The following TLE2 variants were observed in gnomAD, a reference collection of about 807,000 sequenced individuals.
The protein encoded by TLE2 is TLE family member 2, transcriptional corepressor.
A neutral mutation model predicts 97.2 loss-of-function variants in TLE2; 74 were observed. That is an observed-to-expected ratio of 0.76 (90% confidence interval 0.63 to 0.92). The LOEUF (loss-of-function observed/expected upper bound fraction) is 0.92. TLE2 is among the 40% of genes least tolerant of loss of function. The pLI is 0.00. For missense variants in TLE2, 1,038 were observed against 1,008.7 expected, an observed-to-expected ratio of 1.03 and a Z score of -0.39; for synonymous variants, 499 against 432.1, an observed-to-expected ratio of 1.15 and a Z score of -1.92.
chr19:3,033,831 C>G (rs2090043775), upstream of TLE2, among the ~76,000 whole-genome samples: 1 of 152,008 alleles, frequency 6.6e-6, no homozygotes, highest in South Asian at 2.1e-4. Context: ...ATAGCGAGAC[C>G]CAACCCCCAC....
chr19:3,006,186 T>A, intron 15 of TLE2: 1 of 952,910 alleles, frequency 1.0e-6, no homozygotes, highest in Non-Finnish European at 1.7e-6. Flanking sequence ...CCACCCATGG[T>A]TGGCCTGCAA....
intron 19 of TLE2, among the ~76,000 whole-genome samples, chr19:2,998,173 A>C: frequency 6.7e-6 from 1 of 149,358 alleles, no homozygotes; most frequent in Admixed American, 6.7e-5. Flanking sequence ...CGGGTTCAAG[A>C]CACTCTCCTG....
rs11150 is a variant in TLE2, at chr19:2,997,899, G to T, written c.2181C>A (p.Ile727=). The change falls in exon 20 of 20, where the codon ATC becomes ATA. Residue 727 remains isoleucine (I), a synonymous_variant. Transcript: ENST00000262953. ...SCDISRNNKY[I]VTGSGDKKAT... is the part of the protein sequence containing the mutation. The stretch of plus-strand genomic sequence containing the variant: ...CCTTCTTGTCCCCCGAGCCTGTCAC[G>T]ATGTATTTGTTATTTCTGGAGATGT... The T allele has an allele frequency of 1.1e-5, 17 of 1,612,358 alleles. No homozygotes were observed. Among genetic ancestry groups the T allele is most frequent in the Non-Finnish European group, 1.4e-5 (17 of 1,179,372 alleles).
At position 3,019,637 on chromosome 19, in the gene TLE2, G is replaced by T; in HGVS notation, c.369+62C>A. 1 of 1,571,268 alleles carries T rather than the reference G, an allele frequency of 6.4e-7. No individual in the cohort carries two copies. On this transcript the variant is annotated intron_variant, in intron 6 of 19. Transcript: ENST00000262953. This position sits in a 1 kb window ranked among gnomAD's most constrained non-coding sequence, Gnocchi z 5.1. ...ACCCCAGCTTTAACACCTCCTGGGT[G>T]GGTGCCAGGGACCTGGGAGTGGGCG... is the stretch of plus-strand genomic sequence containing the variant.
chr19:3,019,577 G>T lies in TLE2; in HGVS notation c.370-114C>A, dbSNP rs2089795723. ...CCTAAGCACAGCATGTGCCCCTGGG[G>T]TTCCCAGGACCACTGGAGCCAAGGC... On this transcript the variant is annotated intron_variant, in intron 6 of 19. Coordinates refer to ENST00000262953, the MANE Select transcript of TLE2 (RefSeq NM_003260.5). This position sits in a 1 kb window ranked among gnomAD's most constrained non-coding sequence, Gnocchi z 5.1. 2.0e-6 allele frequency: 3 copies of T among 1,504,508 alleles called. No individual in the cohort carries two copies. 93.2% of individuals were successfully genotyped at this position (1,504,508 alleles called of 1,614,324 possible).
intron 1 of TLE2, among the ~76,000 whole-genome samples, chr19:3,043,662 T>G (rs1053242702): frequency 1.4e-5 from 2 of 147,532 alleles, no homozygotes; most frequent in Non-Finnish European, 3.0e-5. Context: ...AAAAAAAAAT[T>G]AGCCAGGCAT....
In TLE2 at chr19:3,028,695, G is replaced by A. The variant is rs544802890; in HGVS notation, c.122+11C>T. 5.6e-6 allele frequency: 9 copies of A among 1,612,310 alleles called. No individual in the cohort carries two copies. In the African/African-American group the frequency reaches 6.7e-5, roughly 12 times the overall value. On this transcript the variant is annotated intron_variant, in intron 2 of 19. Transcript: ENST00000262953. ...GTGAACTCCCGCGGCCCCTGGGGCG[G>A]CCCCCCTCACCTGTGGTATTGAGCC...
chr19:2,998,163 C>A lies in TLE2; in HGVS notation c.2125-208G>T, dbSNP rs368813201. ...TTGGCTCACTGCAACCTCCACCTCC[C>A]GGGTTCAAGACACTCTCCTGCCTCA... On this transcript the variant is annotated intron_variant, in intron 19 of 19. Transcript: ENST00000262953. Among the ~76,000 whole-genome samples the A allele has an allele frequency of 4.0e-5, 6 of 151,762 alleles. No individual in the cohort carries two copies. In the East Asian group the frequency reaches 5.8e-4, roughly 15 times the overall value.
At chr19:3,043,072 A>G (rs763945419) in intron 1 of TLE2, among the ~76,000 whole-genome samples, 8 of 152,094 alleles carry the variant, frequency 5.3e-5, no homozygotes, top group Non-Finnish European at 8.8e-5. Context: ...CTCCCTCCTC[A>G]GCCTCCCAAA....
intron 1 of TLE2, among the ~76,000 whole-genome samples, chr19:3,042,444 G>A (rs1319749487): frequency 8.1e-6 from 1 of 124,162 alleles, no homozygotes; most frequent in Non-Finnish European, 1.7e-5. Flanking sequence ...GGGTGGGTGG[G>A]AGAGGTTTGC....
chr19:3,014,516 C>T (rs755427499), intron 10 of TLE2, 54 bp downstream of exon 10: 88 of 1,469,098 alleles, frequency 6.0e-5, no homozygotes, highest in Middle Eastern at 5.3e-4. Context: ...TCCAGAAAAC[C>T]CACCCCTTGC....
At chr19:3,016,901 C>G (rs2089719237) in intron 8 of TLE2, among the ~76,000 whole-genome samples, 2 of 151,332 alleles carry the variant, frequency 1.3e-5, no homozygotes, top group Admixed American at 1.3e-4. Flanking sequence ...GCCTCAGCCT[C>G]CAGAGTAGCT....
chr19:3,008,613 G>A (rs1295129348), intron 14 of TLE2, among the ~76,000 whole-genome samples: 3 of 152,088 alleles, frequency 2.0e-5, no homozygotes, highest in African/African-American at 7.2e-5. Context: ...ACCACGTCCG[G>A]CTAATTTTTG....
rs371069435 is a variant in TLE2, at chr19:3,013,717, C to T, written c.825G>A (p.Leu275=). Residue 275 remains leucine (L), a synonymous_variant, in exon 11 of 20, where the codon TTG becomes TTA. Transcript: ENST00000262953. Reference sequence around the variant, plus strand: ...GCAGCGGTGAGCCAAGGCTAGAGGCCAAGGAGGCTGGACTGTCCACCAGGT... The same window carrying T: ...GCAGCGGTGAGCCAAGGCTAGAGGCTAAGGAGGCTGGACTGTCCACCAGGT... The part of the protein sequence containing the change: ...RRDLVDSPAS[L]ASSLGSPLPR... The T allele has an allele frequency of 4.6e-6, 7 of 1,536,676 alleles. No individual in the cohort carries two copies. The highest frequency in any genetic ancestry group is 1.3e-5 in the South Asian group (1 of 78,646).
chr19:3,000,035 A>G (rs920609336), intron 19 of TLE2, among the ~76,000 whole-genome samples: 2 of 150,686 alleles, frequency 1.3e-5, no homozygotes, highest in East Asian at 2.0e-4. Flanking sequence ...TCTGTCTCCA[A>G]AAAAAAAGAA....
At chr19:3,001,103 T>A (rs996182143) in intron 18 of TLE2, among the ~76,000 whole-genome samples, 1 of 151,866 alleles carries the variant, frequency 6.6e-6, no homozygotes, top group Non-Finnish European at 1.5e-5. Context: ...TGAAACCCCT[T>A]CTCTACTAAA....
At chr19:3,039,138 C>T (rs1392547579) in intron 1 of TLE2, among the ~76,000 whole-genome samples, 1 of 150,694 alleles carries the variant, frequency 6.6e-6, no homozygotes. Context: ...TGCTTGAACC[C>T]GGGAGGCGGA....
intron 12 of TLE2, among the ~76,000 whole-genome samples, 170 bp from the exon 13 acceptor site, chr19:3,009,872 C>T (rs12461758): frequency 0.23 from 31,181 of 138,418 alleles, 3,423 homozygotes; most frequent in Admixed American, 0.28. Context: ...CCAGTGGACA[C>T]GACTTTCTCT....
chr19:3,032,279 C>T (rs912660810), upstream of TLE2, among the ~76,000 whole-genome samples: 3 of 141,284 alleles, frequency 2.1e-5, no homozygotes, highest in Non-Finnish European at 4.6e-5. This position sits in a 1 kb window ranked among gnomAD's most constrained non-coding sequence, Gnocchi z 4.1. Flanking sequence ...CTCATTCTGT[C>T]GCTGGAGTGC....
Sources: gnomAD v4.1 joint callset for allele counts (sites outside exome capture counted in the v4.1 genomes callset) on GRCh38, gnomAD v4.1.1 for gene constraint, Gnocchi (gnomAD v3.1) non-coding constraint, MANE v1.5 for transcripts, NCBI Gene and HGNC (gene_info 2026-07-23, HGNC 2026-07-21) for gene names.